Variants in NELL1 observed in about 807,000 individuals in gnomAD.
NELL1 encodes the protein neural EGFL like 1, also known as protein kinase C-binding protein NELL1.
In NELL1, 76 loss-of-function variants were observed where a neutral mutation model predicts 107.4. That is an observed-to-expected ratio of 0.71 (90% CI 0.59 to 0.86). The LOEUF (loss-of-function observed/expected upper bound fraction) is 0.86, where lower values mean the gene tolerates loss of function less well. NELL1 is among the 40% of genes least tolerant of loss of function. NELL1 has a pLI of 0.00. For synonymous variants in NELL1, 353 were observed against 341.2 expected, an observed-to-expected ratio of 1.03 and a Z score of -0.38; for missense variants, 1,024 against 1,005.5, an observed-to-expected ratio of 1.02 and a Z score of -0.25.
At chr11:21,399,408 A>G (rs8181560) in intron 15 of NELL1, among the ~76,000 whole-genome samples, 1 of 151,414 alleles carries the variant, frequency 6.6e-6, no homozygotes, top group Admixed American at 6.6e-5. Flanking sequence ...CAGACACAGG[A>G]ACACCTTTGA....
At chr11:20,781,241 C>G (rs1856844160) in intron 2 of NELL1, among the ~76,000 whole-genome samples, 1 of 152,026 alleles carries the variant, frequency 6.6e-6, no homozygotes, top group African/African-American at 2.4e-5. Context: ...AAATCAAGGG[C>G]AATTTCTAGT....
chr11:20,938,940 CTGTG>C (rs1554947463), intron 10 of NELL1, among the ~76,000 whole-genome samples: 21 of 57,294 alleles, frequency 3.7e-4, no homozygotes, highest in South Asian at 1.5e-3. Context: ...CTCTCTCTCT[CTGTG>C]TGTGTGTGTG....
At chr11:20,952,203 G>A (rs1039553583) in intron 11 of NELL1, among the ~76,000 whole-genome samples, 1 of 152,072 alleles carries the variant, frequency 6.6e-6, no homozygotes, top group East Asian at 1.9e-4. Flanking sequence ...TATCTTTAAT[G>A]TTGCCAATGA....
At chr11:20,768,983 G>A (rs1182287778) in intron 2 of NELL1, among the ~76,000 whole-genome samples, 2 of 152,212 alleles carry the variant, frequency 1.3e-5, no homozygotes, top group Non-Finnish European at 2.9e-5. Flanking sequence ...AGGACTTTAA[G>A]TAAGGGATTG....
At chr11:21,081,068 A>C (rs1854256827) in intron 12 of NELL1, among the ~76,000 whole-genome samples, 1 of 151,884 alleles carries the variant, frequency 6.6e-6, no homozygotes, top group Admixed American at 6.6e-5. Flanking sequence ...GATTGTTGTC[A>C]ATTCTTTATC....
chr11:20,694,055 C>A (rs887795005), intron 2 of NELL1, among the ~76,000 whole-genome samples: 2 of 152,248 alleles, frequency 1.3e-5, no homozygotes, highest in African/African-American at 4.8e-5. Flanking sequence ...ATCACTGATA[C>A]CCTCTCTTCC....
intron 5 of NELL1, among the ~76,000 whole-genome samples, chr11:20,892,845 C>A (rs1473762408): frequency 6.6e-6 from 1 of 150,524 alleles, no homozygotes; most frequent in Non-Finnish European, 1.5e-5. Context: ...AGGAGAATCG[C>A]TTGAACCCAT....
intron 14 of NELL1, among the ~76,000 whole-genome samples, chr11:21,250,156 C>T (rs903286688): frequency 2.0e-5 from 3 of 152,148 alleles, no homozygotes; most frequent in Non-Finnish European, 4.4e-5. Flanking sequence ...AGGGTTCATT[C>T]TTTGAGTACT....
chr11:20,818,424 T>C (rs996763506), intron 3 of NELL1, among the ~76,000 whole-genome samples: 3 of 84,150 alleles, frequency 3.6e-5, no homozygotes, highest in Non-Finnish European at 5.5e-5. Context: ...TTTTTTTTTT[T>C]TTTTTGTCTT....
intron 11 of NELL1, 109 bp downstream of exon 11, chr11:20,947,544 G>T (rs1284669247): frequency 3.8e-5 from 29 of 765,966 alleles, no homozygotes; most frequent in Non-Finnish European, 1.4e-5. Context: ...AAAACTCTGT[G>T]CGCTGCTCCT....
At chr11:20,815,822 A>G (rs1289702002) in intron 3 of NELL1, among the ~76,000 whole-genome samples, 1 of 151,364 alleles carries the variant, frequency 6.6e-6, no homozygotes, top group African/African-American at 2.4e-5. Context: ...TCTTAAGTTA[A>G]TTTTTATATA....
intron 14 of NELL1, among the ~76,000 whole-genome samples, chr11:21,252,807 T>G (rs1357556985): frequency 6.6e-6 from 1 of 152,122 alleles, no homozygotes; most frequent in Admixed American, 6.6e-5. Flanking sequence ...AACACAAAAG[T>G]CTCAAATATT....
At chr11:20,866,409 G>A (rs1323539204) in intron 4 of NELL1, among the ~76,000 whole-genome samples, 1 of 152,178 alleles carries the variant, frequency 6.6e-6, no homozygotes, top group Middle Eastern at 3.2e-3. Context: ...AATTATGTAG[G>A]GATGACATTA....
chr11:21,529,433 A>G (rs1004697799), intron 15 of NELL1, among the ~76,000 whole-genome samples: 7 of 152,222 alleles, frequency 4.6e-5, no homozygotes, highest in East Asian at 3.8e-4. Flanking sequence ...GGGTCTTTGC[A>G]TGTTATGTTC....
chr11:21,213,308 G>T (rs889034396), intron 13 of NELL1, among the ~76,000 whole-genome samples: 2 of 152,102 alleles, frequency 1.3e-5, no homozygotes, highest in Non-Finnish European at 2.9e-5. Context: ...TCCATAAGTT[G>T]ATCTGTAAAG....
chr11:21,335,944 C>G (rs1049726062), intron 14 of NELL1, among the ~76,000 whole-genome samples: 11 of 152,014 alleles, frequency 7.2e-5, no homozygotes, highest in African/African-American at 2.4e-4. Context: ...AAATATTAGG[C>G]CTTAACATAG....
At chr11:21,522,586 G>A (rs1279465521) in intron 15 of NELL1, among the ~76,000 whole-genome samples, 2 of 151,888 alleles carry the variant, frequency 1.3e-5, no homozygotes, top group Non-Finnish European at 1.5e-5. Context: ...GAGGGGAGGT[G>A]GATGATGAGA....
chr11:21,397,025 G>C (rs181245611), intron 15 of NELL1, among the ~76,000 whole-genome samples: 1 of 151,658 alleles, frequency 6.6e-6, no homozygotes, highest in Non-Finnish European at 1.5e-5. Flanking sequence ...TAGTAGCAGA[G>C]TTGAGGACAT....
At chr11:21,320,044 T>G (rs970365889) in intron 14 of NELL1, among the ~76,000 whole-genome samples, 10 of 150,894 alleles carry the variant, frequency 6.6e-5, no homozygotes, top group Non-Finnish European at 2.9e-5. Context: ...GCAAAAGTGT[T>G]TATCCAGTAG....
Sources: gnomAD v4.1 joint callset for allele counts (sites outside exome capture counted in the v4.1 genomes callset) on GRCh38, gnomAD v4.1.1 for gene constraint, MANE v1.5 for transcripts, NCBI Gene and HGNC (gene_info 2026-07-23, HGNC 2026-07-21) for gene names.